Variants in KRT2 observed in about 807,000 individuals in gnomAD.
KRT2 encodes the protein keratin, type II cytoskeletal 2 epidermal.
KRT2 carries 37 observed loss-of-function variants against 48.5 expected under a neutral mutation model. That is an observed-to-expected ratio of 0.76 (90% CI 0.59 to 1.00). KRT2 has a LOEUF of 1.00. KRT2 is among the 50% of genes least tolerant of loss of function. The probability of loss-of-function intolerance (pLI) is 0.00; values close to 1 mark genes in which losing one functional copy is unlikely to be tolerated. For missense variants in KRT2, 880 were observed against 815.2 expected, an observed-to-expected ratio of 1.08 and a Z score of -0.97; for synonymous variants, 324 against 312.2, an observed-to-expected ratio of 1.04 and a Z score of -0.40.
chr12:52,644,673 T>A lies in KRT2; in HGVS notation c.*346A>T, dbSNP rs1178289586. 1.9e-5 allele frequency: 7 copies of A among 364,600 alleles called. No individual in the cohort carries two copies. The East Asian group carries it at 4.6e-4, about 24-fold the overall frequency. 22.6% of individuals were successfully genotyped at this position (364,600 alleles called of 1,614,324 possible). On this transcript the variant is annotated 3_prime_UTR_variant, in exon 9 of 9. Coordinates refer to ENST00000309680, the MANE Select transcript of KRT2 (RefSeq NM_000423.3). ...CATTTCCCCCCAGCACTGCCAGGCTTAGAGATGAAATCCCTGGATGGGCCT... is the reference window on the plus strand; with the variant it reads ...CATTTCCCCCCAGCACTGCCAGGCTAAGAGATGAAATCCCTGGATGGGCCT...
chr12:52,644,749 G>A lies in KRT2; in HGVS notation c.*270C>T, dbSNP rs756309993. On this transcript the variant is annotated 3_prime_UTR_variant, in exon 9 of 9. Coordinates refer to ENST00000309680, the MANE Select transcript of KRT2 (RefSeq NM_000423.3). Reference sequence around the variant, plus strand: ...GAAAATGGGCAATGCAAAGAGGCATGGTGGGGGCGGGAATGGGCATGGCTA... The same window carrying A: ...GAAAATGGGCAATGCAAAGAGGCATAGTGGGGGCGGGAATGGGCATGGCTA... 13 of 526,012 alleles carry A rather than the reference G, an allele frequency of 2.5e-5. No individual in the cohort carries two copies. The highest frequency in any genetic ancestry group is 4.4e-5 in the Non-Finnish European group (13 of 292,458). 32.6% of individuals were successfully genotyped at this position (526,012 alleles called of 1,614,324 possible).
chr12:52,651,284 C>T (rs1005858176), intron 1 of KRT2, among the ~76,000 whole-genome samples: 2 of 152,198 alleles, frequency 1.3e-5, no homozygotes, highest in African/African-American at 4.8e-5. Flanking sequence ...TTGCCTATAT[C>T]CATTTTTTAT....
In KRT2 at chr12:52,651,709, C is replaced by A. The variant is rs756512932; in HGVS notation, c.434G>T (p.Gly145Val). 3 of 1,614,108 alleles carry A rather than the reference C, an allele frequency of 1.9e-6. No individual in the cohort carries two copies. The highest frequency in any genetic ancestry group is 2.2e-5 in the South Asian group (2 of 91,074). The stretch of plus-strand genomic sequence containing the variant: ...GACTTCGTGGATGCCACCAGGGTAT[C>A]CTCCAGGCCCAAAGCCACCAGGACC... ...LGGPGGFGPG[G>V]YPGGIHEVSV... The change falls in exon 1 of 9, where the codon GGA becomes GTA. Residue 145 changes from glycine to valine, a missense_variant. Coordinates refer to ENST00000309680, the MANE Select transcript of KRT2 (RefSeq NM_000423.3).
Position 52,646,941 on chromosome 12 carries a change from G to A in KRT2, c.1268C>T (p.Ala423Val), listed in dbSNP as rs771843363. Residue 423 changes from alanine to valine, a missense_variant, in exon 7 of 9, where the codon GCC (alanine) becomes GTC (valine). Coordinates refer to ENST00000309680, the MANE Select transcript of KRT2 (RefSeq NM_000423.3). ...VKKQCKNVQD[A>V]IADAEQRGEH... ...CCCACGCTGCTCGGCATCTGCGATG[G>A]CATCTTGCACATTCTTACACTATGA... is the stretch of plus-strand genomic sequence containing the variant. 1.4e-5 allele frequency: 23 copies of A among 1,613,844 alleles called. No individual in the cohort carries two copies. Among genetic ancestry groups the A allele is most frequent in the Middle Eastern group, 1.6e-4 (1 of 6,082 alleles).
Position 52,652,188 on chromosome 12 carries a change from C to A in KRT2, c.-46G>T, listed in dbSNP as rs754855732. ...AAAGTCACAGGCTCTTGAGAAGAGT[C>A]AAGGCTGGAGACTCAACTGTGCTGC... On this transcript the variant is annotated 5_prime_UTR_variant, in exon 1 of 9. Transcript: ENST00000309680. The A allele has an allele frequency of 1.1e-5, 16 of 1,412,476 alleles. No individual in the cohort carries two copies. Among genetic ancestry groups the A allele is most frequent in the South Asian group, 6.1e-5 (5 of 81,514 alleles). 87.5% of individuals were successfully genotyped at this position (1,412,476 alleles called of 1,614,324 possible). A position where few individuals can be genotyped will look rare whatever the true frequency, so the allele number is the denominator to read the frequency against.
At chr12:52,650,649 C>T in intron 1 of KRT2, 96 bp from the exon 2 acceptor site, 1 of 962,980 alleles carries the variant, frequency 1.0e-6, no homozygotes, top group Non-Finnish European at 1.7e-6. Flanking sequence ...TGCTTCAGGA[C>T]CTCGAGAAGT....
In KRT2 at chr12:52,647,947, C is replaced by T. The variant is rs183161283; in HGVS notation, c.1123-92G>A. The T allele has an allele frequency of 7.1e-6, 11 of 1,542,428 alleles. No homozygotes were observed. In the Admixed American group the frequency reaches 1.7e-4, roughly 24 times the overall value. On this transcript the variant is annotated intron_variant, in intron 5 of 8. Transcript: ENST00000309680. ...GAGTGAAGGAGAGCTGGTTACTGGTCCAGGGAGGGTCAACCCAGCTAAATG... is the reference window on the plus strand; with the variant it reads ...GAGTGAAGGAGAGCTGGTTACTGGTTCAGGGAGGGTCAACCCAGCTAAATG...
chr12:52,650,825 T>G (rs759129613), intron 1 of KRT2, among the ~76,000 whole-genome samples: 8 of 152,144 alleles, frequency 5.3e-5, no homozygotes, highest in Non-Finnish European at 1.2e-4. Context: ...CTCCCAATAC[T>G]CTAGACCATT....
In KRT2 at chr12:52,647,758, T is replaced by G; in HGVS notation, c.1220A>C (p.Gln407Pro). Residue 407 changes from glutamine (Q) to proline (P), a missense_variant, in exon 6 of 9, where the codon CAG becomes CCG. By Grantham distance (76) the Gln-to-Pro change is moderately conservative. Transcript: ENST00000309680. ...CTTCTTCACATGTGCGATCTCCCCCTGCAGCCTCTGGATCACGCGGTTCAG... is the reference window on the plus strand; with the variant it reads ...CTTCTTCACATGTGCGATCTCCCCCGGCAGCCTCTGGATCACGCGGTTCAG... ...SELNRVIQRL[Q>P]GEIAHVKKQC... The G allele has an allele frequency of 6.2e-7, 1 of 1,614,014 alleles. No individual in the cohort carries two copies.
intron 2 of KRT2, 115 bp downstream of exon 2, chr12:52,650,224 T>A (rs1941227840): frequency 1.1e-6 from 1 of 917,080 alleles, no homozygotes; most frequent in Non-Finnish European, 1.8e-6. Context: ...AAGATACATA[T>A]GCCTCTCCCC....
intron 3 of KRT2, 97 bp from the exon 4 acceptor site, chr12:52,649,199 C>T (rs1038945479): frequency 2.2e-5 from 18 of 817,302 alleles, no homozygotes; most frequent in Middle Eastern, 6.8e-4. Context: ...TGGCTCCTCT[C>T]TAAAATCCCA....
intron 6 of KRT2, among the ~76,000 whole-genome samples, chr12:52,647,319 C>T (rs1248660861): frequency 6.6e-6 from 1 of 152,218 alleles, no homozygotes; most frequent in Admixed American, 6.5e-5. Flanking sequence ...CCAAAGCTAA[C>T]GTCCAGCCCC....
chr12:52,648,935 A>G (rs1941208553), intron 4 of KRT2, 72 bp downstream of exon 4: 1 of 1,009,448 alleles, frequency 9.9e-7, no homozygotes, highest in South Asian at 1.3e-5. Flanking sequence ...CCACTTTTTC[A>G]CCAAGCAGAA....
At position 52,649,018 on chromosome 12, in the gene KRT2, G is replaced by T; in HGVS notation, c.946C>A (p.Leu316Ile). The change falls in exon 4 of 9, where the codon CTC (leucine) becomes ATC (isoleucine). Residue 316 changes from leucine (L) to isoleucine (I), a missense_variant. Coordinates refer to ENST00000309680, the MANE Select transcript of KRT2 (RefSeq NM_000423.3). Reference sequence around the variant, plus strand: ...AGCAGCCTCCTTACCGCATCATAGAGAACTTTCAGAAACTCAATTTCCTGG... The same window carrying T: ...AGCAGCCTCCTTACCGCATCATAGATAACTTTCAGAAACTCAATTTCCTGG... ...LNQEIEFLKV[L>I]YDAEISQIHQ... The T allele has an allele frequency of 6.2e-7, 1 of 1,605,212 alleles. No individual in the cohort carries two copies. Among genetic ancestry groups the T allele is most frequent in the Non-Finnish European group, 8.5e-7 (1 of 1,171,934 alleles).
chr12:52,650,408 G>T lies in KRT2; in HGVS notation c.731C>A (p.Thr244Asn). ...TGAATTCTGTGATGTTCTTTCTGCA[G>T]TGAGCCCATCCAGATATCTCTTGAG... The part of the protein sequence containing the change: ...DSLKRYLDGL[T>N]AERTSQNSEL... Residue 244 changes from threonine to asparagine, a missense_variant, in exon 2 of 9, where the codon ACT becomes AAT. Coordinates refer to ENST00000309680, the MANE Select transcript of KRT2 (RefSeq NM_000423.3). 1 of 1,614,224 alleles carries T rather than the reference G, an allele frequency of 6.2e-7. No homozygotes were observed. The highest frequency in any genetic ancestry group is 8.5e-7 in the Non-Finnish European group (1 of 1,180,014).
At chr12:52,648,097 T>A in intron 5 of KRT2, 76 bp downstream of exon 5, 1 of 1,507,738 alleles carries the variant, frequency 6.6e-7, no homozygotes, top group Middle Eastern at 1.7e-4. Context: ...ATAACCTTAC[T>A]GTACACTTTC....
rs35043606 is a variant in KRT2 at position 52,645,389 on chromosome 12, G to C, written c.1550C>G (p.Ala517Gly). 2.1e-3 allele frequency: 3,334 copies of C among 1,614,146 alleles called. 65 individuals carry two copies. In the African/African-American group the frequency reaches 0.038, roughly 18 times the overall value. Residue 517 changes from alanine (A) to glycine (G), a missense_variant, in exon 9 of 9, where the codon GCC becomes GGC. Coordinates refer to ENST00000309680, the MANE Select transcript of KRT2 (RefSeq NM_000423.3). ...CCCTCTACCTCCAGAACCTCCAAAG[G>C]CAGCCTTGGATGCCACATTTGATGA... The part of the protein sequence containing the change: ...TISSNVASKA[A>G]FGGSGGRGSS...
rs757264759 is a variant in KRT2 at position 52,645,342 on chromosome 12, T to C, written c.1597A>G (p.Ser533Gly). Residue 533 changes from serine (S) to glycine (G), a missense_variant, in exon 9 of 9, where the codon AGC (serine) becomes GGC (glycine). Coordinates refer to ENST00000309680, the MANE Select transcript of KRT2 (RefSeq NM_000423.3). ...GAGCCATAACTGCTGCTTCCAGAGC[T>C]GTATCCTCCTCCGGAACTGGACCCT... ...GRGSSSGGGYSSGSSSYGSGG... is the reference protein window; with the variant it reads ...GRGSSSGGGYGSGSSSYGSGG... 2.5e-6 allele frequency: 4 copies of C among 1,614,080 alleles called. No individual in the cohort carries two copies. Among genetic ancestry groups the C allele is most frequent in the African/African-American group, 1.3e-5 (1 of 74,928 alleles).
Position 52,646,825 on chromosome 12 carries a change from C to T in KRT2, c.1384G>A (p.Asp462Asn). ...TTCACGTTCATCAGCTCCTGGTAGT[C>T]ACGCAGCAGCCGCGCCAAGTCCTCC... Reference protein sequence around the residue: ...AKEDLARLLRDYQELMNVKLA... With the variant: ...AKEDLARLLRNYQELMNVKLA... Residue 462 changes from aspartate to asparagine, a missense_variant, in exon 7 of 9, where the codon GAC (aspartate) becomes AAC (asparagine). Asp to Asn is a conservative substitution (Grantham distance 23). Coordinates refer to ENST00000309680, the MANE Select transcript of KRT2 (RefSeq NM_000423.3). 6.2e-7 allele frequency: 1 copy of T among 1,614,178 alleles called. No individual in the cohort carries two copies. Among genetic ancestry groups the T allele is most frequent in the South Asian group, 1.1e-5 (1 of 91,078 alleles).
Sources: gnomAD v4.1 joint callset for allele counts (sites outside exome capture counted in the v4.1 genomes callset) on GRCh38, gnomAD v4.1.1 for gene constraint, MANE v1.5 for transcripts, NCBI Gene and HGNC (gene_info 2026-07-23, HGNC 2026-07-21) for gene names.